The following SEMA3A variants were observed in gnomAD, a reference collection of about 807,000 sequenced individuals.
SEMA3A encodes the protein semaphorin 3A.
SEMA3A carries 29 observed loss-of-function variants against 97.9 expected under a neutral mutation model. The observed-to-expected ratio is 0.30, with a 90% CI of 0.22 to 0.40. The LOEUF is 0.40. SEMA3A is among the 10% of genes least tolerant of loss of function. SEMA3A has a pLI of 1.00. For missense variants in SEMA3A, 763 were observed against 951.3 expected (o/e 0.80, Z 2.60); for synonymous variants, 321 against 323.7 (o/e 0.99, Z 0.09).
chr7:84,085,817 C>T (rs1326057766), intron 4 of SEMA3A, among the ~76,000 whole-genome samples: 5 of 152,126 alleles, frequency 3.3e-5, no homozygotes, highest in Non-Finnish European at 7.4e-5. Flanking sequence ...GGAAAAGATG[C>T]ATATGCATGG....
intron 2 of SEMA3A, among the ~76,000 whole-genome samples, chr7:84,315,101 G>A (rs1340045734): frequency 6.6e-6 from 1 of 151,860 alleles, no homozygotes; most frequent in Non-Finnish European, 1.5e-5. Flanking sequence ...TTTCCAGAAG[G>A]GTAATTAACC....
intron 1 of SEMA3A, among the ~76,000 whole-genome samples, chr7:84,172,551 A>C (rs777654047): frequency 1.6e-4 from 24 of 152,026 alleles, no homozygotes; most frequent in Non-Finnish European, 3.4e-4. Context: ...CCTCCCGAGT[A>C]GCTGGGACTA....
chr7:84,323,004 C>G (rs1801687297), intron 2 of SEMA3A, among the ~76,000 whole-genome samples: 1 of 152,224 alleles, frequency 6.6e-6, no homozygotes, highest in Middle Eastern at 3.4e-3. Flanking sequence ...GGCAAACAAC[C>G]ACAACTGTGG....
chr7:84,290,331 A>G (rs1800709516), intron 3 of SEMA3A, among the ~76,000 whole-genome samples: 1 of 152,148 alleles, frequency 6.6e-6, no homozygotes, highest in African/African-American at 2.4e-5. Flanking sequence ...CTCATCTAGA[A>G]TCCGAGGACC....
chr7:84,205,806 G>A (rs574326164), intron 3 of SEMA3A, among the ~76,000 whole-genome samples: 1 of 152,226 alleles, frequency 6.6e-6, no homozygotes, highest in South Asian at 2.1e-4. Flanking sequence ...CAAAAATACT[G>A]TTTCAAATGT....
At chr7:84,362,003 A>G (rs1042115783) in intron 2 of SEMA3A, among the ~76,000 whole-genome samples, 7 of 151,956 alleles carry the variant, frequency 4.6e-5, no homozygotes, top group African/African-American at 1.7e-4. Context: ...AATTACTCTA[A>G]GTATAGATAT....
At chr7:84,090,297 A>C (rs746464659) in intron 4 of SEMA3A, among the ~76,000 whole-genome samples, 15 of 152,194 alleles carry the variant, frequency 9.9e-5, no homozygotes, top group Admixed American at 5.9e-4. Context: ...TGTATTTAAT[A>C]AAAAGATGAT....
At chr7:84,096,610 C>A (rs577250801) in intron 4 of SEMA3A, among the ~76,000 whole-genome samples, 2 of 152,024 alleles carry the variant, frequency 1.3e-5, no homozygotes, top group South Asian at 4.1e-4. Context: ...ATTTTTTAGA[C>A]TTCTCTAAAT....
upstream of SEMA3A, among the ~76,000 whole-genome samples, chr7:84,196,554 C>T (rs1043792306): frequency 6.6e-6 from 1 of 152,170 alleles, no homozygotes; most frequent in African/African-American, 2.4e-5. Flanking sequence ...TTTCCTCAAG[C>T]CTATTGATCA....
intron 5 of SEMA3A, among the ~76,000 whole-genome samples, chr7:84,052,843 G>A (rs1288050842): frequency 6.6e-6 from 1 of 150,464 alleles, no homozygotes; most frequent in Admixed American, 6.6e-5. Context: ...TTCTCTTGTG[G>A]GCATTTAGTG....
At chr7:84,184,186 G>A (rs769535190) in intron 1 of SEMA3A, among the ~76,000 whole-genome samples, 5 of 151,742 alleles carry the variant, frequency 3.3e-5, no homozygotes, top group East Asian at 1.9e-4. Context: ...GCGTCAGAAC[G>A]TTTTTTTTAA....
At chr7:84,390,827 G>A (rs1430586649) in intron 1 of SEMA3A, among the ~76,000 whole-genome samples, 2 of 152,276 alleles carry the variant, frequency 1.3e-5, no homozygotes, top group East Asian at 3.9e-4. Flanking sequence ...AATAGAGGCT[G>A]AACTGCTGGT....
chr7:84,388,237 A>G (rs1293103660), intron 1 of SEMA3A, among the ~76,000 whole-genome samples: 1 of 151,880 alleles, frequency 6.6e-6, no homozygotes, highest in Non-Finnish European at 1.5e-5. Context: ...TTTGCAAGAC[A>G]TTTACCTGGT....
chr7:84,106,045 A>G (rs1795099679), intron 4 of SEMA3A, among the ~76,000 whole-genome samples: 1 of 152,182 alleles, frequency 6.6e-6, no homozygotes, highest in Non-Finnish European at 1.5e-5. Flanking sequence ...GTACCACAGG[A>G]AAGAGAAAAT....
intron 1 of SEMA3A, among the ~76,000 whole-genome samples, chr7:84,475,001 G>T (rs188371928): frequency 2.8e-4 from 43 of 152,190 alleles, no homozygotes; most frequent in African/African-American, 9.9e-4. Context: ...AAAAAAAAGT[G>T]AAACATCTGT....
At chr7:84,297,254 G>T (rs1340521647) in intron 3 of SEMA3A, among the ~76,000 whole-genome samples, 1 of 152,268 alleles carries the variant, frequency 6.6e-6, no homozygotes, top group East Asian at 1.9e-4. Context: ...TGGGATTACA[G>T]GTGTGAGCCA....
intron 6 of SEMA3A, among the ~76,000 whole-genome samples, chr7:84,030,372 A>G (rs1268544277): frequency 3.9e-5 from 6 of 152,118 alleles, no homozygotes; most frequent in Admixed American, 1.3e-4. Context: ...AAGTTCATCA[A>G]ATTTTTAGAC....
chr7:84,457,103 A>G (rs553596791), intron 1 of SEMA3A, among the ~76,000 whole-genome samples: 1 of 151,786 alleles, frequency 6.6e-6, no homozygotes, highest in African/African-American at 2.4e-5. Context: ...AAATTTCCCA[A>G]TGACATAACT....
intron 4 of SEMA3A, among the ~76,000 whole-genome samples, chr7:84,072,423 A>G (rs947584960): frequency 6.6e-5 from 10 of 152,008 alleles, no homozygotes; most frequent in East Asian, 1.9e-4. Context: ...TTTTTGCTCA[A>G]TAGGAATTAC....
Sources: allele counts gnomAD v4.1 joint callset (sites outside exome capture counted in the v4.1 genomes callset), GRCh38; gene constraint gnomAD v4.1.1; transcripts MANE v1.5; gene names NCBI Gene and HGNC (gene_info 2026-07-23, HGNC 2026-07-21).